Variants in PCDHGA6 observed in about 807,000 individuals in gnomAD.
PCDHGA6 encodes the protein protocadherin gamma subfamily A, 6, also known as protocadherin gamma-A6.
Under a neutral mutation model 60.6 loss-of-function variants are expected in PCDHGA6, and 41 were observed. That is an observed-to-expected ratio of 0.68 (90% confidence interval 0.53 to 0.88). The LOEUF is 0.88. Among genes scored for constraint, PCDHGA6 ranks in the 40% least tolerant of loss-of-function variants. The pLI is 0.00. For synonymous variants in PCDHGA6, 594 were observed against 524.4 expected (o/e 1.13, Z -1.81); for missense variants, 1,312 against 1,203.0 (o/e 1.09, Z -1.34).
chr5:141,482,220 G>T (rs945741591), intron 1 of PCDHGA6, among the ~76,000 whole-genome samples: 8 of 152,148 alleles, frequency 5.3e-5, no homozygotes, highest in African/African-American at 1.9e-4. Flanking sequence ...ACTTGTTTTG[G>T]TGTGAAATTG....
intron 1 of PCDHGA6, among the ~76,000 whole-genome samples, chr5:141,437,450 G>A (rs2097885331): frequency 6.6e-6 from 1 of 152,148 alleles, no homozygotes; most frequent in Non-Finnish European, 1.5e-5. Context: ...GAATGTTGAG[G>A]AGACTATACT....
chr5:141,413,198 C>G, intron 1 of PCDHGA6: 1 of 1,611,416 alleles, frequency 6.2e-7, no homozygotes, highest in Non-Finnish European at 8.5e-7. Context: ...AGGAATCGCT[C>G]AAAGGAATCA....
chr5:141,423,755 G>GC (rs542747697), intron 1 of PCDHGA6: 5,773 of 512,484 alleles, frequency 0.011, 63 homozygotes, highest in Non-Finnish European at 0.014. Context: ...CTGTTTGGGG[G>GC]GGGGGTGGGG....
intron 1 of PCDHGA6, chr5:141,428,018 C>T (rs771831423): frequency 1.9e-6 from 3 of 1,604,570 alleles, no homozygotes; most frequent in Non-Finnish European, 2.6e-6. Flanking sequence ...TAGTGCCACG[C>T]GCCGCAGAGT....
chr5:141,498,009 C>A (rs1160103624), intron 2 of PCDHGA6, among the ~76,000 whole-genome samples: 1 of 152,146 alleles, frequency 6.6e-6, no homozygotes, highest in Non-Finnish European at 1.5e-5. Context: ...TTACAGTGCA[C>A]TGAAGGAGAC....
chr5:141,445,814 TA>T (rs1554133713), intron 1 of PCDHGA6, among the ~76,000 whole-genome samples: 1 of 152,182 alleles, frequency 6.6e-6, no homozygotes, highest in Non-Finnish European at 1.5e-5. Context: ...TAGATGAAAC[TA>T]ATAAGGCAGG....
rs539038497 is a variant in PCDHGA6 at position 141,420,464 on chromosome 5, C to T, written c.2424+43957C>T. 2.0e-4 allele frequency: 164 copies of T among 801,490 alleles called. 1 individual carries two copies. In the South Asian group the frequency reaches 6.4e-3, roughly 31 times the overall value. 49.6% of individuals were successfully genotyped at this position (801,490 alleles called of 1,614,324 possible). ...CCTCAGTCTTCCTACTATTCAAAGA[C>T]ATTTTAAAGCAAACTACATGGGTAA... On this transcript the variant is annotated intron_variant, in intron 1 of 3. Transcript: ENST00000517434.
chr5:141,408,725 A>G, intron 1 of PCDHGA6: 1 of 1,610,988 alleles, frequency 6.2e-7, no homozygotes, highest in Non-Finnish European at 8.5e-7. Context: ...GATAAACTCT[A>G]ATCCTTATTT....
At chr5:141,414,358 C>T (rs1414747968) in intron 1 of PCDHGA6, 1 of 1,613,818 alleles carries the variant, frequency 6.2e-7, no homozygotes, top group Non-Finnish European at 8.5e-7. Context: ...GGCGTATCTA[C>T]CATTTAAATT....
In PCDHGA6 at chr5:141,375,059, G is replaced by T; in HGVS notation, c.976G>T (p.Gly326Cys). 3 of 1,614,038 alleles carry T rather than the reference G, an allele frequency of 1.9e-6. No homozygotes were observed. Among genetic ancestry groups the T allele is most frequent in the Non-Finnish European group, 1.7e-6 (2 of 1,179,900 alleles). ...GGGTGTTGAAGCCCGGGATGGGCCAGGTCTTCGAGACAGAGCGAAAGTCTT... is the reference window on the plus strand; with the variant it reads ...GGGTGTTGAAGCCCGGGATGGGCCATGTCTTCGAGACAGAGCGAAAGTCTT... ...ELGVEARDGP[G>C]LRDRAKVLIT... Residue 326 changes from glycine (G) to cysteine (C), a missense_variant, in exon 1 of 4, where the codon GGT becomes TGT. Coordinates refer to ENST00000517434, the MANE Select transcript of PCDHGA6 (RefSeq NM_018919.3).
Position 141,431,442 on chromosome 5 carries a change from T to G in PCDHGA6, c.2424+54935T>G. 6.2e-7 allele frequency: 1 copy of G among 1,613,746 alleles called. No individual in the cohort carries two copies. The highest frequency in any genetic ancestry group is 1.7e-5 in the Admixed American group (1 of 60,014). The stretch of plus-strand genomic sequence containing the variant: ...CCGGTGCGCACAGGCACCGCGCGCA[T>G]CCGCGTGATGGTTCTGGATGCGAAC... On this transcript the variant is annotated intron_variant, in intron 1 of 3. Coordinates refer to ENST00000517434, the MANE Select transcript of PCDHGA6 (RefSeq NM_018919.3). This position sits in a 1 kb window ranked among gnomAD's most constrained non-coding sequence, Gnocchi z 4.8.
chr5:141,389,935 C>A, intron 1 of PCDHGA6: 1 of 1,614,084 alleles, frequency 6.2e-7, no homozygotes, highest in Non-Finnish European at 8.5e-7. Flanking sequence ...GACCTCCAGG[C>A]TGAGCTGCAG....
At position 141,415,070 on chromosome 5, in the gene PCDHGA6, C is replaced by G. The variant is rs538474552; in HGVS notation, c.2424+38563C>G. ...GGGGAGCACACGGGCGAGGTGCGCACGGCGCGAGCCCTGCTGGACAGAGAC... is the reference window on the plus strand; with the variant it reads ...GGGGAGCACACGGGCGAGGTGCGCAGGGCGCGAGCCCTGCTGGACAGAGAC... On this transcript the variant is annotated intron_variant, in intron 1 of 3. Coordinates refer to ENST00000517434, the MANE Select transcript of PCDHGA6 (RefSeq NM_018919.3). 26 of 1,613,284 alleles carry G rather than the reference C, an allele frequency of 1.6e-5. No homozygotes were observed. The Middle Eastern group carries it at 1.5e-3, about 92-fold the overall frequency.
chr5:141,450,776 C>G (rs757791026), intron 1 of PCDHGA6, among the ~76,000 whole-genome samples: 1 of 151,440 alleles, frequency 6.6e-6, no homozygotes, highest in Non-Finnish European at 1.5e-5. Flanking sequence ...CATGAGCCAC[C>G]GTGCCCGGAC....
chr5:141,404,860 T>G (rs3749769), intron 1 of PCDHGA6: 7 of 1,613,630 alleles, frequency 4.3e-6, no homozygotes, highest in Admixed American at 1.7e-5. Context: ...TAGATAGAGA[T>G]GCGCTCAAAC....
chr5:141,504,790 CT>C (rs1204741124), intron 2 of PCDHGA6, among the ~76,000 whole-genome samples: 15 of 152,080 alleles, frequency 9.9e-5, no homozygotes, highest in Admixed American at 3.9e-4. Context: ...TTGGGGCCTC[CT>C]ACATCTCCCC....
chr5:141,428,320 T>C (rs2097132935), intron 1 of PCDHGA6: 2 of 650,176 alleles, frequency 3.1e-6, no homozygotes, highest in Admixed American at 2.2e-5. Context: ...GGCCTTGGCC[T>C]TGATTTCTAT....
intron 1 of PCDHGA6, among the ~76,000 whole-genome samples, chr5:141,469,864 C>T (rs963843852): frequency 6.6e-6 from 1 of 152,218 alleles, no homozygotes; most frequent in African/African-American, 2.4e-5. Flanking sequence ...GGTGCAATGG[C>T]TCACGCCTGT....
chr5:141,394,674 C>G lies in PCDHGA6; in HGVS notation c.2424+18167C>G. ...CGAGCCGGGACTCTTCTCGGTGGGT[C>G]TGCACACGGGCGAGGTGCGCACGGC... On this transcript the variant is annotated intron_variant, in intron 1 of 3. Transcript: ENST00000517434. 1 of 1,612,758 alleles carries G rather than the reference C, an allele frequency of 6.2e-7. No individual in the cohort carries two copies. The highest frequency in any genetic ancestry group is 8.5e-7 in the Non-Finnish European group (1 of 1,179,752).
Sources: gnomAD v4.1 joint callset for allele counts (sites outside exome capture counted in the v4.1 genomes callset) on GRCh38, gnomAD v4.1.1 for gene constraint, Gnocchi (gnomAD v3.1) non-coding constraint, MANE v1.5 for transcripts, NCBI Gene and HGNC (gene_info 2026-07-23, HGNC 2026-07-21) for gene names.